ZBTB20: variants seen among roughly 807,000 people sequenced by gnomAD.
ZBTB20 encodes zinc finger and BTB domain-containing protein 20.
ZBTB20 carries 9 observed loss-of-function variants against 56.9 expected under a neutral mutation model. That is an observed-to-expected ratio of 0.16 (90% confidence interval 0.10 to 0.28). The LOEUF (loss-of-function observed/expected upper bound fraction) is 0.28, where lower values mean the gene tolerates loss of function less well. Ranked by LOEUF, ZBTB20 falls within the 10% of genes least tolerant of loss-of-function variation. ZBTB20 has a pLI of 1.00. For missense variants in ZBTB20, 655 were observed against 1,003.0 expected (o/e 0.65, Z 4.69); for synonymous variants, 417 against 420.7 (o/e 0.99, Z 0.11).
chr3:115,114,851 G>A (rs188591267), intron 1 of ZBTB20, among the ~76,000 whole-genome samples: 9 of 152,146 alleles, frequency 5.9e-5, no homozygotes, highest in East Asian at 1.9e-4. Flanking sequence ...ACATTAGAGC[G>A]CATAGTATGG....
intron 2 of ZBTB20, among the ~76,000 whole-genome samples, chr3:115,037,314 T>A (rs867042304): frequency 1.3e-5 from 2 of 152,048 alleles, no homozygotes; most frequent in African/African-American, 2.4e-5. Flanking sequence ...AAACAGAGTC[T>A]CACTCCGTCA....
At chr3:114,539,385 G>T (rs894970785) in intron 6 of ZBTB20, among the ~76,000 whole-genome samples, 1 of 152,094 alleles carries the variant, frequency 6.6e-6, no homozygotes, top group Non-Finnish European at 1.5e-5. Context: ...CGATACAATA[G>T]TAATAATGTT....
chr3:114,795,607 C>T (rs1043457436), intron 5 of ZBTB20, among the ~76,000 whole-genome samples: 7 of 152,034 alleles, frequency 4.6e-5, no homozygotes, highest in African/African-American at 1.7e-4. Flanking sequence ...CTTCAATGTT[C>T]AAATCAAAGG....
chr3:114,639,950 T>C (rs1379029420), intron 6 of ZBTB20, among the ~76,000 whole-genome samples: 2 of 152,100 alleles, frequency 1.3e-5, no homozygotes. Context: ...CTAAGATTAA[T>C]TACAGTCCTA....
At chr3:114,788,175 A>G (rs1399534463) in intron 5 of ZBTB20, among the ~76,000 whole-genome samples, 1 of 152,170 alleles carries the variant, frequency 6.6e-6, no homozygotes, top group African/African-American at 2.4e-5. Context: ...AGAGTTTTCA[A>G]AGGTACATTT....
At chr3:114,682,602 T>G (rs2062050152) in intron 6 of ZBTB20, among the ~76,000 whole-genome samples, 1 of 152,184 alleles carries the variant, frequency 6.6e-6, no homozygotes, top group Admixed American at 6.6e-5. Flanking sequence ...TGAAAACCCC[T>G]GAAAGTGATT....
intron 3 of ZBTB20, among the ~76,000 whole-genome samples, chr3:114,970,816 C>T (rs1295356915): frequency 6.6e-6 from 1 of 152,096 alleles, no homozygotes; most frequent in Non-Finnish European, 1.5e-5. Flanking sequence ...CAGATCGAGA[C>T]CATCCTGGCT....
At chr3:114,532,038 G>A (rs564488977) in intron 6 of ZBTB20, among the ~76,000 whole-genome samples, 12 of 152,276 alleles carry the variant, frequency 7.9e-5, no homozygotes, top group African/African-American at 2.9e-4. Context: ...AGGGCCCTGG[G>A]TTTCAAGACA....
intron 1 of ZBTB20, among the ~76,000 whole-genome samples, chr3:115,125,115 G>A (rs761217737): frequency 6.6e-6 from 1 of 151,990 alleles, no homozygotes; most frequent in Non-Finnish European, 1.5e-5. Flanking sequence ...AACCAAGGCA[G>A]AAGGACTGCT....
intron 2 of ZBTB20, among the ~76,000 whole-genome samples, chr3:115,034,666 A>G (rs1298775941): frequency 6.6e-6 from 1 of 151,948 alleles, no homozygotes; most frequent in African/African-American, 2.4e-5. Context: ...AAAGTAAGAT[A>G]TAATGTATTC....
At chr3:114,907,625 AG>A (rs2075370481) in intron 3 of ZBTB20, among the ~76,000 whole-genome samples, 1 of 151,902 alleles carries the variant, frequency 6.6e-6, no homozygotes, top group Non-Finnish European at 1.5e-5. Flanking sequence ...GTTCCCTGCA[AG>A]ACCATCGTCT....
intron 4 of ZBTB20, among the ~76,000 whole-genome samples, chr3:114,812,626 T>A (rs1022674450): frequency 6.6e-6 from 1 of 152,226 alleles, no homozygotes. Flanking sequence ...GGAGCCCAGC[T>A]GGCTTCACCC....
At chr3:114,820,423 C>T (rs2073172886) in intron 4 of ZBTB20, among the ~76,000 whole-genome samples, 1 of 151,974 alleles carries the variant, frequency 6.6e-6, no homozygotes, top group African/African-American at 2.4e-5. Context: ...ACTTTAGAAA[C>T]ACCCATACAC....
intron 2 of ZBTB20, among the ~76,000 whole-genome samples, chr3:115,047,523 T>C (rs960087383): frequency 1.3e-5 from 2 of 152,228 alleles, no homozygotes; most frequent in African/African-American, 2.4e-5. Flanking sequence ...ATCATTATTG[T>C]ACATTATTGT....
intron 4 of ZBTB20, among the ~76,000 whole-genome samples, chr3:114,885,403 C>T (rs2076563893): frequency 6.7e-6 from 1 of 149,946 alleles, no homozygotes; most frequent in African/African-American, 2.4e-5. Flanking sequence ...ATTCTTCATC[C>T]TTTTTGTTGT....
Position 114,753,404 on chromosome 3 carries a change from T to TAC in ZBTB20, c.-343+47695_-343+47696dup, listed in dbSNP as rs1222855052. 8.7e-5 allele frequency among the ~76,000 whole-genome samples: 12 copies of TAC among 137,620 alleles called. 2 individuals carry two copies. The highest frequency in any genetic ancestry group is 2.0e-4 in the African/African-American group (7 of 34,608). The allele number at this position is 137,620 out of a possible 152,430, so 90.3% of individuals were successfully genotyped here. On this transcript the variant is annotated intron_variant, in intron 5 of 11. Transcript: ENST00000675478. ...ATACACATACATGTATGTATATATATACACACACGTATATATATATATATA... is the reference window on the plus strand; with the variant it reads ...ATACACATACATGTATGTATATATATACACACACACGTATATATATATATATA...
At chr3:115,001,705 A>G (rs992170802) in intron 2 of ZBTB20, among the ~76,000 whole-genome samples, 1 of 151,492 alleles carries the variant, frequency 6.6e-6, no homozygotes, top group Non-Finnish European at 1.5e-5. Context: ...TATAAGATCT[A>G]TTATGAAGAA....
intron 7 of ZBTB20, among the ~76,000 whole-genome samples, chr3:114,399,612 T>C (rs1345983103): frequency 6.6e-6 from 1 of 152,128 alleles, no homozygotes; most frequent in East Asian, 1.9e-4. Flanking sequence ...TTAAGAATTG[T>C]CTTTCTGGGC....
At chr3:114,770,558 A>G (rs1397650182) in intron 5 of ZBTB20, among the ~76,000 whole-genome samples, 1 of 152,112 alleles carries the variant, frequency 6.6e-6, no homozygotes, top group Non-Finnish European at 1.5e-5. Context: ...ATAAGCACTT[A>G]GTAAATGCCA....
Sources: gnomAD v4.1 joint callset for allele counts (sites outside exome capture counted in the v4.1 genomes callset) on GRCh38, gnomAD v4.1.1 for gene constraint, MANE v1.5 for transcripts, NCBI Gene and HGNC (gene_info 2026-07-23, HGNC 2026-07-21) for gene names.